The following SH3D19 variants were observed in gnomAD, a reference collection of about 807,000 sequenced individuals.
SH3D19 encodes SH3 domain containing 19, also known as SH3 domain-containing protein 19.
Under a neutral mutation model 112.1 loss-of-function variants are expected in SH3D19, and 58 were observed. That is an observed-to-expected ratio of 0.52 (90% CI 0.42 to 0.64). SH3D19 has a LOEUF of 0.64. Ranked by LOEUF, SH3D19 falls within the 30% of genes least tolerant of loss-of-function variation. The pLI, the probability that SH3D19 is intolerant of heterozygous loss-of-function variation, is 0.00. For missense variants in SH3D19, 1,090 were observed against 1,263.4 expected (o/e 0.86, Z 2.08); for synonymous variants, 391 against 448.5 (o/e 0.87, Z 1.62).
At chr4:151,291,339 C>T (rs1561436881) in intron 1 of SH3D19, 1 of 1,613,928 alleles carries the variant, frequency 6.2e-7, no homozygotes, top group South Asian at 1.1e-5. Context: ...TCCTGCGTCC[C>T]TCCTGTGCCT....
chr4:151,141,916 C>T (rs1215889130), intron 12 of SH3D19, among the ~76,000 whole-genome samples: 2 of 152,146 alleles, frequency 1.3e-5, no homozygotes, highest in Non-Finnish European at 2.9e-5. Context: ...ACACATTTTC[C>T]CTTCTCTGCC....
At chr4:151,280,678 C>T (rs991422590) in intron 1 of SH3D19, among the ~76,000 whole-genome samples, 2 of 152,024 alleles carry the variant, frequency 1.3e-5, no homozygotes, top group Non-Finnish European at 2.9e-5. Flanking sequence ...GTAATCCCAG[C>T]TACTCATGAG....
At chr4:151,137,683 A>G in intron 14 of SH3D19, 49 bp downstream of exon 14, 2 of 1,464,952 alleles carry the variant, frequency 1.4e-6, no homozygotes, top group South Asian at 1.5e-5. Flanking sequence ...CAAGTCACAT[A>G]GAACCCACTG....
intron 1 of SH3D19, among the ~76,000 whole-genome samples, chr4:151,288,172 C>T (rs903159599): frequency 6.6e-6 from 1 of 151,934 alleles, no homozygotes; most frequent in African/African-American, 2.4e-5. Flanking sequence ...AGCTAAAATA[C>T]TTCGTGGTAA....
In SH3D19 at chr4:151,205,212, T is replaced by A. The variant is rs573142668; in HGVS notation, c.153-17749A>T. On this transcript the variant is annotated intron_variant, in intron 2 of 19. Coordinates refer to ENST00000604030, the MANE Select transcript of SH3D19 (RefSeq NM_001378122.1). Reference sequence around the variant, plus strand: ...CCTGGGAATTTGTACAAACAGGAAGTACAGCTGAACTTTGTGCAGTGCTGG... The same window carrying A: ...CCTGGGAATTTGTACAAACAGGAAGAACAGCTGAACTTTGTGCAGTGCTGG... 2.0e-5 allele frequency among the ~76,000 whole-genome samples: 3 copies of A among 152,306 alleles called. No homozygotes were observed. In the South Asian group the frequency reaches 6.2e-4, roughly 32 times the overall value.
intron 1 of SH3D19, among the ~76,000 whole-genome samples, chr4:151,254,180 G>A (rs1370234710): frequency 1.3e-5 from 2 of 151,812 alleles, no homozygotes; most frequent in East Asian, 3.9e-4. Flanking sequence ...TTCTGTAACT[G>A]ATCACATATG....
At chr4:151,280,769 G>A (rs903272830) in intron 1 of SH3D19, among the ~76,000 whole-genome samples, 3 of 151,552 alleles carry the variant, frequency 2.0e-5, no homozygotes, top group East Asian at 1.9e-4. Context: ...CAGCCTGGGC[G>A]ACAGAGTGAG....
At chr4:151,277,042 C>T (rs1472924839) in intron 1 of SH3D19, 1 of 591,598 alleles carries the variant, frequency 1.7e-6, no homozygotes, top group Non-Finnish European at 2.5e-6. Flanking sequence ...GGGTGAAGAC[C>T]AAAGGAGAGG....
Position 151,282,162 on chromosome 4 carries a change from T to C in SH3D19, c.112+43079A>G, listed in dbSNP as rs776709535. The C allele has an allele frequency of 5.0e-6, 8 of 1,613,846 alleles. No homozygotes were observed. In the South Asian group the frequency reaches 5.5e-5, roughly 11 times the overall value. The stretch of plus-strand genomic sequence containing the variant: ...TTTCCCCATAGGACCTGGACTACTT[T>C]TTCATATACTGTGTGGCTAGGATCG... On this transcript the variant is annotated intron_variant, in intron 1 of 19. Transcript: ENST00000604030.
intron 11 of SH3D19, 28 bp from the exon 12 acceptor site, chr4:151,144,078 G>A: frequency 6.3e-7 from 1 of 1,594,902 alleles, no homozygotes; most frequent in Non-Finnish European, 8.5e-7. Context: ...ACTCTCTGAA[G>A]CAATTATTAT....
At chr4:151,275,561 G>A (rs1033686413) in intron 1 of SH3D19, among the ~76,000 whole-genome samples, 1 of 151,914 alleles carries the variant, frequency 6.6e-6, no homozygotes, top group Non-Finnish European at 1.5e-5. Flanking sequence ...TCTTTCCGTC[G>A]CCCAAGCTGG....
intron 11 of SH3D19, 45 bp from the exon 12 acceptor site, chr4:151,144,095 A>G: frequency 6.3e-7 from 1 of 1,591,770 alleles, no homozygotes; most frequent in Non-Finnish European, 8.5e-7. Context: ...TTATTTAATA[A>G]AACATTATTA....
intron 8 of SH3D19, among the ~76,000 whole-genome samples, chr4:151,163,391 T>A (rs1161386232): frequency 2.0e-5 from 3 of 152,212 alleles, no homozygotes; most frequent in Non-Finnish European, 4.4e-5. Flanking sequence ...TACTAATTTC[T>A]GTAAAAGTTG....
chr4:151,158,697 A>T (rs1161399124), intron 9 of SH3D19, among the ~76,000 whole-genome samples: 2 of 151,202 alleles, frequency 1.3e-5, no homozygotes, highest in Admixed American at 6.6e-5. Context: ...AAAAAAAATA[A>T]ATAAAAGTAT....
In SH3D19 at chr4:151,247,840, G is replaced by A. The variant is rs115176779; in HGVS notation, c.113-21754C>T. On this transcript the variant is annotated intron_variant, in intron 1 of 19. Transcript: ENST00000604030. ...TATTTAACTTTAAGAATTGAATGTG[G>A]TACTCTGCACAAATAGTATAATTTT... Among the ~76,000 whole-genome samples the A allele has an allele frequency of 5.7e-3, 862 of 152,246 alleles. 10 individuals are homozygous for A. Among genetic ancestry groups the A allele is most frequent in the African/African-American group, 0.02 (814 of 41,548 alleles).
chr4:151,202,102 G>A (rs186785308), intron 2 of SH3D19, among the ~76,000 whole-genome samples: 20 of 152,144 alleles, frequency 1.3e-4, no homozygotes, highest in African/African-American at 4.3e-4. Context: ...TTAGGAGGCC[G>A]AGGCAGGTGG....
rs756524292 is a variant in SH3D19, at chr4:151,309,105, G to C, written c.112+16136C>G. On this transcript the variant is annotated intron_variant, in intron 1 of 19. Transcript: ENST00000604030. ...GCTCGTCTTGAACTCCTGACCTCAA[G>C]TGATTCACCCGCCTTGGTGTCCCAA... Among the ~76,000 whole-genome samples, 11 of 152,216 alleles carry C rather than the reference G, an allele frequency of 7.2e-5. No individual in the cohort carries two copies. In the East Asian group the frequency reaches 1.3e-3, roughly 19 times the overall value.
intron 1 of SH3D19, among the ~76,000 whole-genome samples, chr4:151,265,498 C>A (rs918457134): frequency 1.7e-4 from 26 of 151,590 alleles, no homozygotes; most frequent in Admixed American, 6.6e-5. Context: ...CGATACTACT[C>A]CAAGCTCAAG....
chr4:151,147,959 C>CG lies in SH3D19; in HGVS notation c.2044dup (p.Arg682ProfsTer11). On this transcript the variant is annotated frameshift_variant, in exon 11 of 20. Coordinates refer to ENST00000604030, the MANE Select transcript of SH3D19 (RefSeq NM_001378122.1). LOFTEE classifies it high-confidence loss of function. ...GTAGAGAGGGTGTCCTGGTTTGGGA[C>CG]GAGGGGGTAGCACCGGATCTTGATT... The CG allele has an allele frequency of 6.2e-7, 1 of 1,613,558 alleles. No individual in the cohort carries two copies. The highest frequency in any genetic ancestry group is 2.2e-5 in the East Asian group (1 of 44,882).
Sources: allele counts gnomAD v4.1 joint callset (sites outside exome capture counted in the v4.1 genomes callset), GRCh38; gene constraint gnomAD v4.1.1; transcripts MANE v1.5; gene names NCBI Gene and HGNC (gene_info 2026-07-23, HGNC 2026-07-21).